Variants in XKR6 observed in about 807,000 individuals in gnomAD.
The protein encoded by XKR6 is XK-related protein 6.
A neutral mutation model predicts 56.7 loss-of-function variants in XKR6; 22 were observed. That is an observed-to-expected ratio of 0.39 (90% CI 0.28 to 0.55). The LOEUF (loss-of-function observed/expected upper bound fraction) is 0.55, where lower values mean the gene tolerates loss of function less well. Ranked by LOEUF, XKR6 falls within the 20% of genes least tolerant of loss-of-function variation. The probability of loss-of-function intolerance (pLI) is 0.66; values close to 1 mark genes in which losing one functional copy is unlikely to be tolerated. For synonymous variants in XKR6, 524 were observed against 387.8 expected (o/e 1.35, Z -4.13); for missense variants, 852 against 889.0 (o/e 0.96, Z 0.53).
intron 1 of XKR6, among the ~76,000 whole-genome samples, chr8:11,034,931 C>G (rs549951755): frequency 6.6e-6 from 1 of 152,214 alleles, no homozygotes; most frequent in Admixed American, 6.5e-5. Flanking sequence ...ATGTACTAGC[C>G]AAACCCTGAG....
intron 1 of XKR6, among the ~76,000 whole-genome samples, chr8:11,191,064 A>T (rs1016582034): frequency 6.6e-6 from 1 of 152,218 alleles, no homozygotes; most frequent in Non-Finnish European, 1.5e-5. Flanking sequence ...AAACTAGGAC[A>T]TAGGGGGCCT....
At chr8:11,086,434 C>A (rs192102523) in intron 1 of XKR6, among the ~76,000 whole-genome samples, 7 of 152,254 alleles carry the variant, frequency 4.6e-5, no homozygotes, top group Admixed American at 1.3e-4. Context: ...CAGAGGTGGG[C>A]TTTCAACACG....
intron 1 of XKR6, among the ~76,000 whole-genome samples, chr8:11,141,560 C>CTAT (rs1473274849): frequency 3.3e-5 from 5 of 152,236 alleles, no homozygotes; most frequent in Non-Finnish European, 7.3e-5. Context: ...ACAAGTCAGA[C>CTAT]GCATACTCTT....
intron 1 of XKR6, among the ~76,000 whole-genome samples, chr8:10,959,590 G>C (rs1802001349): frequency 6.6e-6 from 1 of 152,094 alleles, no homozygotes; most frequent in Non-Finnish European, 1.5e-5. Flanking sequence ...AAGCTTGCTG[G>C]TGTCTCCTCG....
At chr8:11,020,165 G>A (rs1399033351) in intron 1 of XKR6, among the ~76,000 whole-genome samples, 1 of 152,066 alleles carries the variant, frequency 6.6e-6, no homozygotes, top group Non-Finnish European at 1.5e-5. Flanking sequence ...TTACAGGGCA[G>A]GCATAGGATG....
intron 1 of XKR6, chr8:11,123,557 A>G (rs1799584144): frequency 3.7e-6 from 1 of 267,968 alleles, no homozygotes; most frequent in African/African-American, 2.2e-5. Flanking sequence ...CCAACCTCAA[A>G]CTGGAACTAA....
chr8:11,169,657 C>T (rs75797190), intron 1 of XKR6, among the ~76,000 whole-genome samples: 3,539 of 152,154 alleles, frequency 0.023, 158 homozygotes, highest in African/African-American at 0.079. Flanking sequence ...TAGTATTTAA[C>T]GGGTACAGAG....
chr8:11,053,943 G>A (rs28658128), intron 1 of XKR6, among the ~76,000 whole-genome samples: 13,800 of 152,240 alleles, frequency 0.091, 2,002 homozygotes, highest in African/African-American at 0.31. Flanking sequence ...TTTCTGGAGG[G>A]AACATGGGAA....
chr8:11,172,449 A>C (rs1245289623), intron 1 of XKR6, among the ~76,000 whole-genome samples: 2 of 152,178 alleles, frequency 1.3e-5, no homozygotes, highest in Non-Finnish European at 2.9e-5. Context: ...ACCAAGGTAC[A>C]TAACGTTATA....
At chr8:10,993,419 G>A (rs1255424555) in intron 1 of XKR6, among the ~76,000 whole-genome samples, 2 of 152,218 alleles carry the variant, frequency 1.3e-5, no homozygotes, top group African/African-American at 4.8e-5. Context: ...GGGAGGAGGC[G>A]GGGACCCAGC....
intron 1 of XKR6, among the ~76,000 whole-genome samples, chr8:10,969,899 T>C (rs1802351149): frequency 6.6e-6 from 1 of 152,246 alleles, no homozygotes; most frequent in Non-Finnish European, 1.5e-5. Context: ...GTCCCGCCTC[T>C]CACCCATGTG....
intron 1 of XKR6, among the ~76,000 whole-genome samples, chr8:11,072,104 C>A (rs1332977137): frequency 2.0e-5 from 3 of 152,252 alleles, no homozygotes; most frequent in African/African-American, 4.8e-5. Context: ...CTCTAGCTAA[C>A]CCTCTGGCAC....
chr8:10,938,553 C>G (rs1801297362), intron 1 of XKR6, among the ~76,000 whole-genome samples: 1 of 152,254 alleles, frequency 6.6e-6, no homozygotes, highest in African/African-American at 2.4e-5. Context: ...ACACAACAAC[C>G]TGGATGAATC....
intron 1 of XKR6, among the ~76,000 whole-genome samples, chr8:11,136,683 G>A (rs1800420944): frequency 6.6e-6 from 1 of 152,094 alleles, no homozygotes; most frequent in Non-Finnish European, 1.5e-5. Context: ...AAGACAGCAA[G>A]AACGCATTCC....
chr8:11,105,955 G>C (rs537039061), intron 1 of XKR6: 1 of 152,074 alleles, frequency 6.6e-6, no homozygotes, highest in African/African-American at 2.4e-5. Context: ...AATTTCAAAC[G>C]ACAAGCTTTT....
chr8:11,069,279 G>A (rs1248838816), intron 1 of XKR6, among the ~76,000 whole-genome samples: 1 of 151,848 alleles, frequency 6.6e-6, no homozygotes, highest in Admixed American at 6.6e-5. Context: ...GACCGACTCT[G>A]GCCTTCTGCC....
chr8:10,905,443 C>G (rs1026731179), intron 2 of XKR6, among the ~76,000 whole-genome samples: 4 of 152,206 alleles, frequency 2.6e-5, no homozygotes, highest in Non-Finnish European at 4.4e-5. Flanking sequence ...TGCCAGGTTT[C>G]TTATCCCCAT....
At chr8:11,177,593 T>C (rs889324746) in intron 1 of XKR6, among the ~76,000 whole-genome samples, 2 of 152,136 alleles carry the variant, frequency 1.3e-5, no homozygotes, top group African/African-American at 2.4e-5. Flanking sequence ...AGGCCCTTAA[T>C]CCAACATGAC....
At chr8:10,950,060 C>G (rs1771039291) in intron 1 of XKR6, among the ~76,000 whole-genome samples, 1 of 152,134 alleles carries the variant, frequency 6.6e-6, no homozygotes, top group Non-Finnish European at 1.5e-5. Context: ...CCTTCCTGGC[C>G]CAGGAATGCA....
Sources: gnomAD v4.1 joint callset for allele counts (sites outside exome capture counted in the v4.1 genomes callset) on GRCh38, gnomAD v4.1.1 for gene constraint, MANE v1.5 for transcripts, NCBI Gene and HGNC (gene_info 2026-07-23, HGNC 2026-07-21) for gene names.